Variants in WDR7 observed in about 807,000 individuals in gnomAD.
WDR7 encodes WD repeat domain 7, also known as WD repeat-containing protein 7.
WDR7 carries 46 observed loss-of-function variants against 169.4 expected under a neutral mutation model. The ratio of observed to expected loss-of-function variants is 0.27; its 90% CI spans 0.21 to 0.35. The LOEUF (loss-of-function observed/expected upper bound fraction) is 0.35. WDR7 is among the 10% of genes least tolerant of loss of function. The pLI is 1.00. For missense variants in WDR7, 1,534 were observed against 1,859.3 expected, an observed-to-expected ratio of 0.83 and a Z score of 3.22; for synonymous variants, 612 against 666.8, an observed-to-expected ratio of 0.92 and a Z score of 1.27.
chr18:57,008,641 C>T (rs1259313859), intron 26 of WDR7, among the ~76,000 whole-genome samples: 1 of 152,210 alleles, frequency 6.6e-6, no homozygotes, highest in Non-Finnish European at 1.5e-5. Flanking sequence ...AGTTCAAATA[C>T]AACCTTCTCT....
intron 22 of WDR7, among the ~76,000 whole-genome samples, chr18:56,933,354 G>A (rs2046916789): frequency 6.6e-6 from 1 of 152,160 alleles, no homozygotes; most frequent in Admixed American, 6.5e-5. Flanking sequence ...CCACACCTGT[G>A]AAGTTGGTCA....
intron 26 of WDR7, among the ~76,000 whole-genome samples, chr18:57,004,561 C>T (rs2048028760): frequency 6.6e-6 from 1 of 152,018 alleles, no homozygotes; most frequent in South Asian, 2.1e-4. Context: ...AACTTTAGGA[C>T]CTCTCATTTG....
chr18:56,903,566 T>A (rs1375886806), intron 21 of WDR7, among the ~76,000 whole-genome samples: 1 of 151,394 alleles, frequency 6.6e-6, no homozygotes, highest in Non-Finnish European at 1.5e-5. Flanking sequence ...ATTACAGGCA[T>A]GTGCCACCAT....
intron 21 of WDR7, among the ~76,000 whole-genome samples, chr18:56,922,959 G>A (rs1240723194): frequency 7.2e-5 from 11 of 152,150 alleles, no homozygotes. Flanking sequence ...TATGAGAAAA[G>A]TCAGGCTCAG....
downstream of WDR7, chr18:57,034,079 G>A (rs1333108953): frequency 1.3e-5 from 2 of 152,256 alleles, no homozygotes; most frequent in Non-Finnish European, 2.9e-5. Flanking sequence ...AACCCAGGAG[G>A]TGGAGGTTGC....
intron 12 of WDR7, among the ~76,000 whole-genome samples, chr18:56,709,411 C>T (rs577731139): frequency 1.4e-4 from 21 of 152,230 alleles, no homozygotes; most frequent in African/African-American, 4.3e-4. Flanking sequence ...AAGATAGAAT[C>T]TATGGTATAT....
At chr18:56,744,245 G>GAAAAAAA (rs58110613) in intron 14 of WDR7, among the ~76,000 whole-genome samples, 90 of 86,870 alleles carry the variant, frequency 1.0e-3, no homozygotes, top group East Asian at 2.4e-3. Flanking sequence ...TCTCAAAAAA[G>GAAAAAAA]AAAAAAAAAA....
At chr18:56,800,389 C>T (rs982723918) in intron 19 of WDR7, among the ~76,000 whole-genome samples, 1 of 152,130 alleles carries the variant, frequency 6.6e-6, no homozygotes, top group Admixed American at 6.5e-5. Flanking sequence ...TGTTTCCAGG[C>T]TGAACTCAAT....
intron 26 of WDR7, among the ~76,000 whole-genome samples, chr18:56,999,778 A>G (rs117427158): frequency 0.038 from 5,721 of 152,294 alleles, 130 homozygotes; most frequent in Non-Finnish European, 0.053. Context: ...AAGGATGGCA[A>G]GAAAAGTAGA....
At chr18:56,932,338 T>C (rs764466550) in intron 22 of WDR7, among the ~76,000 whole-genome samples, 2 of 152,176 alleles carry the variant, frequency 1.3e-5, no homozygotes, top group African/African-American at 4.8e-5. Flanking sequence ...GGGCAATAGG[T>C]TCACATGTCT....
intron 17 of WDR7, among the ~76,000 whole-genome samples, chr18:56,778,774 A>G (rs1355965233): frequency 6.6e-6 from 1 of 152,192 alleles, no homozygotes; most frequent in Non-Finnish European, 1.5e-5. Flanking sequence ...AGGTTTAACA[A>G]TGTTTAAGAT....
intron 21 of WDR7, among the ~76,000 whole-genome samples, chr18:56,907,921 G>A (rs1365430719): frequency 6.6e-6 from 1 of 152,192 alleles, no homozygotes; most frequent in East Asian, 1.9e-4. Context: ...ATGCAGAACA[G>A]CAGCTGTATA....
At chr18:57,003,846 G>T (rs763494615) in intron 26 of WDR7, among the ~76,000 whole-genome samples, 5 of 151,890 alleles carry the variant, frequency 3.3e-5, no homozygotes, top group Non-Finnish European at 7.4e-5. Flanking sequence ...TGTAAATATT[G>T]ATCATTCTGG....
At chr18:56,998,197 G>T (rs574051940) in intron 26 of WDR7, among the ~76,000 whole-genome samples, 1 of 152,202 alleles carries the variant, frequency 6.6e-6, no homozygotes, top group South Asian at 2.1e-4. Flanking sequence ...TTAGGTATCC[G>T]TAATTTTTGT....
At chr18:56,863,390 A>G (rs2045836543) in intron 20 of WDR7, among the ~76,000 whole-genome samples, 1 of 151,754 alleles carries the variant, frequency 6.6e-6, no homozygotes, top group Non-Finnish European at 1.5e-5. Flanking sequence ...TTCTTGTTAC[A>G]GAATTTGAGA....
intron 19 of WDR7, among the ~76,000 whole-genome samples, chr18:56,808,628 C>T (rs1197584735): frequency 1.1e-4 from 16 of 152,040 alleles, no homozygotes; most frequent in Non-Finnish European, 2.9e-5. Context: ...ATTTTGTTCT[C>T]GCATTTCATG....
intron 26 of WDR7, among the ~76,000 whole-genome samples, chr18:56,988,205 G>A (rs138480482): frequency 6.6e-6 from 1 of 152,088 alleles, no homozygotes; most frequent in South Asian, 2.1e-4. Flanking sequence ...GGCTTGACAG[G>A]GAGTATGGTT....
At chr18:56,751,231 G>A (rs2043786169) in intron 14 of WDR7, among the ~76,000 whole-genome samples, 3 of 152,140 alleles carry the variant, frequency 2.0e-5, no homozygotes, top group Admixed American at 2.0e-4. Context: ...TGGGCTGTCT[G>A]CTGGCACACC....
chr18:56,939,474 A>G (rs2047005033), intron 25 of WDR7, 81 bp downstream of exon 25: 5 of 879,292 alleles, frequency 5.7e-6, no homozygotes, highest in Non-Finnish European at 8.1e-6. Context: ...TGGTGTTAGT[A>G]GTCTTGGTCA....
Sources: allele counts gnomAD v4.1 joint callset (sites outside exome capture counted in the v4.1 genomes callset), GRCh38; gene constraint gnomAD v4.1.1; transcripts MANE v1.5; gene names NCBI Gene and HGNC (gene_info 2026-07-23, HGNC 2026-07-21).